Variants in MUC13 observed in about 807,000 individuals in gnomAD.
MUC13 encodes mucin 13, cell surface associated, also known as mucin-13.
Under a neutral mutation model 48.3 loss-of-function variants are expected in MUC13, and 32 were observed. That is an observed-to-expected ratio of 0.66 (90% confidence interval 0.50 to 0.89). MUC13 has a LOEUF of 0.89. Among genes scored for constraint, MUC13 ranks in the 40% least tolerant of loss-of-function variants. The pLI, the probability that MUC13 is intolerant of heterozygous loss-of-function variation, is 0.00. For missense variants in MUC13, 571 were observed against 622.8 expected, an observed-to-expected ratio of 0.92 and a Z score of 0.88; for synonymous variants, 199 against 224.9, an observed-to-expected ratio of 0.88 and a Z score of 1.03.
At chr3:124,909,771 G>A (rs1278531206) in intron 10 of MUC13, among the ~76,000 whole-genome samples, 1 of 152,150 alleles carries the variant, frequency 6.6e-6, no homozygotes, top group Non-Finnish European at 1.5e-5. Flanking sequence ...GGACAGGGAA[G>A]TGACCTGATG....
At position 124,912,125 on chromosome 3, in the gene MUC13, T is replaced by G. The variant is rs1462076931; in HGVS notation, c.1231A>C (p.Ser411Arg). The part of the protein sequence containing the change: ...GNCQKCAFGY[S>R]GLDCKDKFQL... Reference sequence around the variant, plus strand: ...TCACTGTCCTTACAGTCGAGTCCACTGTAGCCAAATGCACACCTGAAATAC... The same window carrying G: ...TCACTGTCCTTACAGTCGAGTCCACGGTAGCCAAATGCACACCTGAAATAC... Residue 411 changes from serine to arginine, a missense_variant, in exon 9 of 12, where the codon AGT becomes CGT. Physicochemically the swap from Ser to Arg is moderately radical, Grantham distance 110. Coordinates refer to ENST00000616727, the MANE Select transcript of MUC13 (RefSeq NM_033049.4). 5.0e-6 allele frequency: 8 copies of G among 1,613,012 alleles called. No homozygotes were observed. In the Admixed American group the frequency reaches 1.3e-4, roughly 27 times the overall value.
intron 1 of MUC13, among the ~76,000 whole-genome samples, chr3:124,933,172 C>T (rs917050100): frequency 2.6e-5 from 4 of 152,276 alleles, no homozygotes; most frequent in South Asian, 4.1e-4. Flanking sequence ...TCTCAAAAAA[C>T]TCTAATCCTG....
At chr3:124,920,148 C>A in intron 5 of MUC13, 86 bp downstream of exon 5, 2 of 1,115,182 alleles carry the variant, frequency 1.8e-6, no homozygotes, top group Middle Eastern at 1.9e-4. Context: ...CCACAGAGGG[C>A]CTTAATGTTA....
chr3:124,928,021 G>A (rs1392024470), intron 1 of MUC13, 28 bp from the exon 2 acceptor site: 1 of 1,460,408 alleles, frequency 6.8e-7, no homozygotes. Flanking sequence ...CCAAGTTTGA[G>A]GAGACAGTAC....
chr3:124,927,887 A>C lies in MUC13; in HGVS notation c.159T>G (p.Thr53=). The stretch of plus-strand genomic sequence containing the variant: ...AAGGTGTATTTGCTGTGGTGCTAGC[A>C]GTTTCAGGGAAATTAGTTTCAGTGG... The part of the protein sequence containing the change: ...ADTTETNFPE[T]ASTTANTPSF... The change falls in exon 2 of 12, where the codon ACT becomes ACG. Residue 53 remains threonine, a synonymous_variant. Coordinates refer to ENST00000616727, the MANE Select transcript of MUC13 (RefSeq NM_033049.4). 6.2e-7 allele frequency: 1 copy of C among 1,613,800 alleles called. No homozygotes were observed. Among genetic ancestry groups the C allele is most frequent in the Non-Finnish European group, 8.5e-7 (1 of 1,179,876 alleles).
At chr3:124,916,117 G>A (rs1251918182) in intron 6 of MUC13, among the ~76,000 whole-genome samples, 200 bp downstream of exon 6, 1 of 152,192 alleles carries the variant, frequency 6.6e-6, no homozygotes, top group Non-Finnish European at 1.5e-5. Context: ...TGGTCAGTTT[G>A]ATGACTTGGG....
Position 124,913,160 on chromosome 3 carries a change from A to G in MUC13, c.1165T>C (p.Cys389Arg). The change falls in exon 8 of 12, where the codon TGT becomes CGT. Residue 389 changes from cysteine to arginine, a missense_variant. Coordinates refer to ENST00000616727, the MANE Select transcript of MUC13 (RefSeq NM_033049.4). ...TCCTGGTAGCCGGGCACGCACGCAC[A>G]CTCAGGGGCCCCACCACTCTTCTTT... The part of the protein sequence containing the change: ...LIKKSGGAPE[C>R]ACVPGYQEDA... 6.2e-7 allele frequency: 1 copy of G among 1,613,884 alleles called. No individual in the cohort carries two copies. The highest frequency in any genetic ancestry group is 8.5e-7 in the Non-Finnish European group (1 of 1,179,978).
chr3:124,909,150 T>C (rs1436887263), intron 10 of MUC13, among the ~76,000 whole-genome samples: 1 of 149,346 alleles, frequency 6.7e-6, no homozygotes, highest in Non-Finnish European at 1.5e-5. Context: ...CAAGACTCTG[T>C]CTCAAAAAAA....
At chr3:124,919,932 A>T (rs917418391) in intron 5 of MUC13, among the ~76,000 whole-genome samples, 1 of 152,178 alleles carries the variant, frequency 6.6e-6, no homozygotes, top group East Asian at 1.9e-4. Flanking sequence ...GTTTGCAGCC[A>T]TGGGATCAAG....
intron 4 of MUC13, among the ~76,000 whole-genome samples, chr3:124,921,700 T>A (rs1935595604): frequency 6.6e-6 from 1 of 152,224 alleles, no homozygotes; most frequent in African/African-American, 2.4e-5. Context: ...GATATTCAGA[T>A]GTAATTCTTC....
intron 2 of MUC13, among the ~76,000 whole-genome samples, chr3:124,926,401 T>C (rs1935687782): frequency 6.6e-6 from 1 of 152,174 alleles, no homozygotes. Context: ...CAGAAATGGC[T>C]TAGAAAACCT....
Position 124,913,590 on chromosome 3 carries a change from C to A in MUC13, c.1056G>T (p.Arg352Ser), listed in dbSNP as rs759777897. 2.5e-6 allele frequency: 4 copies of A among 1,614,182 alleles called. No individual in the cohort carries two copies. Among genetic ancestry groups the A allele is most frequent in the Non-Finnish European group, 3.4e-6 (4 of 1,180,030 alleles). ...LACDCKSDLQ[R>S]PNPQSPFCVA... ...CGCAGAAAGGGCTCTGTGGGTTAGG[C>A]CTTTGCAGGTCAGATTTGCAATCGC... The change falls in exon 7 of 12, where the codon AGG becomes AGT. Residue 352 changes from arginine (R) to serine (S), a missense_variant. By Grantham distance (110) the Arg-to-Ser change is moderately radical (BLOSUM62 -1). Transcript: ENST00000616727.
At position 124,923,544 on chromosome 3, in the gene MUC13, G is replaced by C; in HGVS notation, c.620C>G (p.Ser207Cys). The stretch of plus-strand genomic sequence containing the variant: ...TAACTCACCTTTCTTACATGTAGAA[G>C]AGTTGTAGTAATACCCTTCTAAACA... ...CLCLEGYYYNSSTCKKGKVFP... is the reference protein window; with the variant it reads ...CLCLEGYYYNCSTCKKGKVFP... Residue 207 changes from serine (S) to cysteine (C), a missense_variant, in exon 3 of 12, where the codon TCT (serine) becomes TGT (cysteine). Transcript: ENST00000616727. 2 of 1,613,782 alleles carry C rather than the reference G, an allele frequency of 1.2e-6. No individual in the cohort carries two copies. The highest frequency in any genetic ancestry group is 8.5e-7 in the Non-Finnish European group (1 of 1,179,870).
intron 9 of MUC13, among the ~76,000 whole-genome samples, chr3:124,910,863 CT>C (rs1935409874): frequency 6.6e-6 from 1 of 152,150 alleles, no homozygotes; most frequent in African/African-American, 2.4e-5. Context: ...TACTGATAAG[CT>C]AAGGAAACTA....
intron 5 of MUC13, among the ~76,000 whole-genome samples, chr3:124,917,594 G>C (rs1402693038): frequency 1.3e-5 from 2 of 151,930 alleles, no homozygotes; most frequent in Non-Finnish European, 2.9e-5. Context: ...AGCCACCTTG[G>C]GTCCTCAGAA....
intron 6 of MUC13, among the ~76,000 whole-genome samples, chr3:124,915,917 A>G (rs1935504997): frequency 6.6e-6 from 1 of 152,192 alleles, no homozygotes; most frequent in Non-Finnish European, 1.5e-5. Flanking sequence ...GGCTCAAGGA[A>G]TCCGCCCATC....
At chr3:124,913,013 C>T in intron 8 of MUC13, 98 bp downstream of exon 8, 1 of 1,397,164 alleles carries the variant, frequency 7.2e-7, no homozygotes, top group Non-Finnish European at 9.6e-7. Flanking sequence ...TGACAGCTTA[C>T]CAGCTTCCTG....
intron 4 of MUC13, among the ~76,000 whole-genome samples, chr3:124,921,405 C>A (rs1052701945): frequency 6.6e-6 from 1 of 152,164 alleles, no homozygotes; most frequent in Non-Finnish European, 1.5e-5. Context: ...CCCGCCTCAT[C>A]CTCCCAAAGT....
At chr3:124,924,369 A>C (rs940086114) in intron 2 of MUC13, among the ~76,000 whole-genome samples, 5 of 152,172 alleles carry the variant, frequency 3.3e-5, no homozygotes, top group South Asian at 2.1e-4. Flanking sequence ...AGATCTGAGG[A>C]GGAGAGTTAG....
Sources: allele counts gnomAD v4.1 joint callset (sites outside exome capture counted in the v4.1 genomes callset), GRCh38; gene constraint gnomAD v4.1.1; transcripts MANE v1.5; gene names NCBI Gene and HGNC (gene_info 2026-07-23, HGNC 2026-07-21).